The following DCAF5 variants were observed in gnomAD, a reference collection of about 807,000 sequenced individuals.
DCAF5 encodes the protein DDB1 and CUL4 associated factor 5, also known as DDB1- and CUL4-associated factor 5.
In DCAF5, 9 loss-of-function variants were observed where a neutral mutation model predicts 80.7. That is an observed-to-expected ratio of 0.11 (90% confidence interval 0.07 to 0.19). DCAF5 has a LOEUF of 0.19. Ranked by LOEUF, DCAF5 falls within the 10% of genes least tolerant of loss-of-function variation. The pLI is 1.00. For synonymous variants in DCAF5, 433 were observed against 461.9 expected (o/e 0.94, Z 0.80); for missense variants, 842 against 1,205.7 (o/e 0.70, Z 4.47).
At chr14:69,079,661 A>G (rs1200019036) in intron 6 of DCAF5, among the ~76,000 whole-genome samples, 1 of 152,180 alleles carries the variant, frequency 6.6e-6, no homozygotes, top group Non-Finnish European at 1.5e-5. Flanking sequence ...TATTCATTAA[A>G]CAAATATTTA....
chr14:69,102,107 CTTTTTTT>C (rs141874345), intron 5 of DCAF5, among the ~76,000 whole-genome samples: 1 of 133,028 alleles, frequency 7.5e-6, no homozygotes, highest in Admixed American at 7.8e-5. Flanking sequence ...TTTACTATAA[CTTTTTTT>C]TTTTTTTTTT....
In DCAF5 at chr14:69,083,469, C is replaced by T. The variant is rs535461773; in HGVS notation, c.880-8058G>A. ...GGAACCTCAAACTGCGGCAGTGGAA[C>T]CTAAAGTTGCAGGGGGCCTCAAATC... is the stretch of plus-strand genomic sequence containing the variant. On this transcript the variant is annotated intron_variant, in intron 6 of 8. Coordinates refer to ENST00000341516, the MANE Select transcript of DCAF5 (RefSeq NM_003861.3). The T allele has an allele frequency of 2.5e-5, 8 of 323,400 alleles. No homozygotes were observed. In the East Asian group the frequency reaches 5.0e-4, roughly 20 times the overall value. 20.0% of individuals were successfully genotyped at this position (323,400 alleles called of 1,614,324 possible).
At chr14:69,073,207 G>A (rs927320835) in intron 7 of DCAF5, among the ~76,000 whole-genome samples, 2 of 152,170 alleles carry the variant, frequency 1.3e-5, no homozygotes, top group African/African-American at 2.4e-5. Flanking sequence ...AATAAACTTA[G>A]GGGTACTATC....
In DCAF5 at chr14:69,118,559, A is replaced by C. The variant is rs1451482416; in HGVS notation, c.396-281T>G. ...TGAGTTTTGTATTTTCATTTATTAC[A>C]GAATGCATCTGCTTGTGTACAGATT... On this transcript the variant is annotated intron_variant, in intron 3 of 8. Transcript: ENST00000341516. The surrounding 1 kb of genome is among the most constrained non-coding windows in gnomAD (Gnocchi z 4.0). Among the ~76,000 whole-genome samples, 1 of 152,198 alleles carries C rather than the reference A, an allele frequency of 6.6e-6. No homozygotes were observed. Among genetic ancestry groups the C allele is most frequent in the Non-Finnish European group, 1.5e-5 (1 of 68,034 alleles).
chr14:69,092,211 A>G (rs1594980836), intron 5 of DCAF5, among the ~76,000 whole-genome samples: 2 of 152,338 alleles, frequency 1.3e-5, no homozygotes, highest in African/African-American at 2.4e-5. Context: ...CACAACCAAA[A>G]GCATACTCGT....
At chr14:69,063,178 T>A (rs541359860) in intron 7 of DCAF5, among the ~76,000 whole-genome samples, 1 of 152,252 alleles carries the variant, frequency 6.6e-6, no homozygotes, top group East Asian at 1.9e-4. Flanking sequence ...AAAGATACCA[T>A]GTATAGATTA....
chr14:69,141,139 T>TAAAAA lies in DCAF5; in HGVS notation c.214+11621_214+11625dup, dbSNP rs11396838. On this transcript the variant is annotated intron_variant, in intron 1 of 8. Transcript: ENST00000341516. ...ACAGAGCGAGACTCCATCTCAAATT[T>TAAAAA]AAAAAAAAAAAAAAAAAAAAAAAAA... Among the ~76,000 whole-genome samples the TAAAAA allele has an allele frequency of 5.7e-3, 339 of 59,406 alleles. 11 individuals carry two copies. The highest frequency in any genetic ancestry group is 0.018 in the African/African-American group (328 of 18,492). 39.0% of individuals were successfully genotyped at this position (59,406 alleles called of 152,430 possible). A position where few individuals can be genotyped will look rare whatever the true frequency, so the allele number is the denominator to read the frequency against.
At chr14:69,065,370 C>G (rs942795622) in intron 7 of DCAF5, among the ~76,000 whole-genome samples, 28 of 152,202 alleles carry the variant, frequency 1.8e-4, no homozygotes, top group African/African-American at 6.5e-4. Context: ...GCTGGGATTA[C>G]AGGCGTGAGC....
At chr14:69,101,091 G>T (rs925398370) in intron 5 of DCAF5, among the ~76,000 whole-genome samples, 1 of 152,132 alleles carries the variant, frequency 6.6e-6, no homozygotes, top group Non-Finnish European at 1.5e-5. Flanking sequence ...GGAGACCAAG[G>T]TCCTGAGTAA....
chr14:69,062,966 C>T (rs553101263), intron 7 of DCAF5, among the ~76,000 whole-genome samples: 143 of 152,226 alleles, frequency 9.4e-4, no homozygotes, highest in African/African-American at 3.1e-3. Context: ...TCCATTTGCC[C>T]TCAGTTTCTA....
chr14:69,091,387 T>C (rs1343321387), intron 6 of DCAF5, among the ~76,000 whole-genome samples: 1 of 152,192 alleles, frequency 6.6e-6, no homozygotes, highest in Non-Finnish European at 1.5e-5. Context: ...TCTTCTGAAA[T>C]GGCACATTCT....
intron 1 of DCAF5, among the ~76,000 whole-genome samples, chr14:69,145,343 A>G (rs946486754): frequency 6.6e-6 from 1 of 152,082 alleles, no homozygotes; most frequent in African/African-American, 2.4e-5. Flanking sequence ...ATTTAACCTC[A>G]CCTTAAGTAA....
chr14:69,110,876 CAAAAAAAAAAAAA>C (rs35812611), intron 5 of DCAF5, among the ~76,000 whole-genome samples: 16 of 45,502 alleles, frequency 3.5e-4, no homozygotes, highest in African/African-American at 6.1e-4. Context: ...GACCCTGTCT[CAAAAAAAAAAAAA>C]AAAAAAAAAA....
intron 1 of DCAF5, among the ~76,000 whole-genome samples, chr14:69,137,991 G>T (rs944654086): frequency 1.3e-5 from 2 of 152,040 alleles, no homozygotes; most frequent in Non-Finnish European, 2.9e-5. Flanking sequence ...TCCACTGCGG[G>T]GCTTGAAACT....
rs1299280957 is a variant in DCAF5, at chr14:69,053,812, T to C, written c.*45A>G. On this transcript the variant is annotated 3_prime_UTR_variant, in exon 9 of 9. Transcript: ENST00000341516. Reference sequence around the variant, plus strand: ...GTATTCACTAAACAATTTTTTTTTTTTTGTAAGGCTACTTTTGTAGCTTTT... The same window carrying C: ...GTATTCACTAAACAATTTTTTTTTTCTTGTAAGGCTACTTTTGTAGCTTTT... The C allele has an allele frequency of 1.3e-6, 2 of 1,530,984 alleles. No homozygotes were observed. Among genetic ancestry groups the C allele is most frequent in the Non-Finnish European group, 1.7e-6 (2 of 1,150,174 alleles). The allele number at this position is 1,530,984 out of a possible 1,614,324, so 94.8% of individuals were successfully genotyped here. A position where few individuals can be genotyped will look rare whatever the true frequency, so the allele number is the denominator to read the frequency against.
intron 5 of DCAF5, among the ~76,000 whole-genome samples, chr14:69,094,856 G>A (rs1470236100): frequency 6.6e-6 from 1 of 152,120 alleles, no homozygotes; most frequent in Non-Finnish European, 1.5e-5. Context: ...CTGGGAAGTG[G>A]GCCCAGGTAT....
intron 6 of DCAF5, among the ~76,000 whole-genome samples, chr14:69,086,181 AC>A (rs2039312781): frequency 6.6e-6 from 1 of 150,490 alleles, no homozygotes; most frequent in South Asian, 2.1e-4. Flanking sequence ...ACATGACAAA[AC>A]CCCGCCTCTA....
At chr14:69,149,670 G>A (rs939816022) in intron 1 of DCAF5, among the ~76,000 whole-genome samples, 9 of 152,298 alleles carry the variant, frequency 5.9e-5, no homozygotes, top group Non-Finnish European at 1.2e-4. Context: ...TGAAAACAAT[G>A]AACAAACTAT....
chr14:69,115,175 CA>C (rs2040503144), intron 5 of DCAF5, among the ~76,000 whole-genome samples: 1 of 152,130 alleles, frequency 6.6e-6, no homozygotes, highest in African/African-American at 2.4e-5. Context: ...GTTCATAGTG[CA>C]AAGGCACATC....
Sources: gnomAD v4.1 joint callset for allele counts (sites outside exome capture counted in the v4.1 genomes callset) on GRCh38, gnomAD v4.1.1 for gene constraint, Gnocchi (gnomAD v3.1) non-coding constraint, MANE v1.5 for transcripts, NCBI Gene and HGNC (gene_info 2026-07-23, HGNC 2026-07-21) for gene names.